The following NTRK3 variants were observed in gnomAD, a reference collection of about 807,000 sequenced individuals.
NTRK3 encodes the protein neurotrophic receptor tyrosine kinase 3, also known as NT-3 growth factor receptor.
A neutral mutation model predicts 91.7 loss-of-function variants in NTRK3; 24 were observed. The observed-to-expected ratio is 0.26, with a 90% CI of 0.19 to 0.37. The LOEUF is 0.37. Ranked by LOEUF, NTRK3 falls within the 10% of genes least tolerant of loss-of-function variation. The probability of loss-of-function intolerance (pLI) is 1.00; values close to 1 mark genes in which losing one functional copy is unlikely to be tolerated. For synonymous variants in NTRK3, 483 were observed against 404.0 expected, an observed-to-expected ratio of 1.20 and a Z score of -2.34; for missense variants, 880 against 1,068.9, an observed-to-expected ratio of 0.82 and a Z score of 2.46.
chr15:88,236,514 TAAAAAAAAAAAAAA>T (rs60187446), intron 3 of NTRK3, among the ~76,000 whole-genome samples: 11 of 53,772 alleles, frequency 2.0e-4, no homozygotes, highest in African/African-American at 6.4e-4. Flanking sequence ...CCTCTATTAT[TAAAAAAAAAAAAAA>T]AAAAAAAAAA....
intron 14 of NTRK3, among the ~76,000 whole-genome samples, chr15:88,022,672 G>C (rs1445895843): frequency 6.6e-6 from 1 of 152,146 alleles, no homozygotes; most frequent in Non-Finnish European, 1.5e-5. Flanking sequence ...TTTGGGTGCA[G>C]CTTCCCCTGG....
chr15:88,001,716 A>G (rs937801222), intron 14 of NTRK3, among the ~76,000 whole-genome samples: 1 of 152,182 alleles, frequency 6.6e-6, no homozygotes, highest in Non-Finnish European at 1.5e-5. Context: ...TCATGGCAGT[A>G]CCATATCGTC....
intron 17 of NTRK3, among the ~76,000 whole-genome samples, chr15:87,910,283 C>T (rs955952782): frequency 5.9e-5 from 9 of 152,182 alleles, no homozygotes; most frequent in Non-Finnish European, 1.2e-4. Flanking sequence ...TTGGACTGAC[C>T]AGGCATGGAC....
At chr15:88,016,837 C>A (rs372928163) in intron 14 of NTRK3, among the ~76,000 whole-genome samples, 3 of 150,986 alleles carry the variant, frequency 2.0e-5, no homozygotes, top group Non-Finnish European at 4.4e-5. Context: ...TTTGTTTTTA[C>A]TTCCTCCCTT....
chr15:87,893,051 C>T (rs142620814), intron 17 of NTRK3, among the ~76,000 whole-genome samples: 312 of 152,260 alleles, frequency 2.0e-3, no homozygotes, highest in African/African-American at 7.0e-3. Context: ...TTGATGGCAA[C>T]TTAAGATGTG....
intron 3 of NTRK3, among the ~76,000 whole-genome samples, chr15:88,202,921 G>A (rs553814795): frequency 6.6e-6 from 1 of 152,214 alleles, no homozygotes; most frequent in Non-Finnish European, 1.5e-5. Context: ...GCAGGGGCTG[G>A]ATGAGACACT....
At chr15:87,926,638 G>A (rs1178158256) in intron 17 of NTRK3, 1 of 152,146 alleles carries the variant, frequency 6.6e-6, no homozygotes, top group African/African-American at 2.4e-5. Context: ...AGTTATTAAG[G>A]CAAGGACAAA....
At chr15:88,113,383 T>C (rs2051660315) in intron 13 of NTRK3, among the ~76,000 whole-genome samples, 2 of 149,344 alleles carry the variant, frequency 1.3e-5, no homozygotes, top group South Asian at 4.3e-4. Context: ...TGGCGTGATC[T>C]TGGCTCACTG....
intron 14 of NTRK3, among the ~76,000 whole-genome samples, chr15:88,013,952 T>A (rs895829924): frequency 1.1e-4 from 16 of 152,044 alleles, no homozygotes; most frequent in African/African-American, 2.2e-4. Flanking sequence ...TCAATTTTTT[T>A]AAAAAAAGAC....
In NTRK3 at chr15:88,118,382, AG is replaced by A. The variant is rs1040821944; in HGVS notation, c.1396+7888del. On this transcript the variant is annotated intron_variant, in intron 13 of 18. Transcript: ENST00000394480. ...AAAGAATGTTCCATGAGAAGAGAGG[AG>A]GGGGTCTGTTGGAGCAGTTTCCACA... Among the ~76,000 whole-genome samples, 60 of 152,254 alleles carry A rather than the reference AG, an allele frequency of 3.9e-4. 1 individual carries two copies. Among genetic ancestry groups the A allele is most frequent in the Middle Eastern group, 3.4e-3 (1 of 294 alleles).
At chr15:87,868,242 T>C (rs1390685186) in exon 19 of NTRK3, 3 of 229,540 alleles carry the variant, frequency 1.3e-5, no homozygotes, top group African/African-American at 2.2e-5. Flanking sequence ...GTTTGCACTA[T>C]GAGCACGAGC....
intron 14 of NTRK3, among the ~76,000 whole-genome samples, chr15:87,942,669 C>T (rs1348480650): frequency 6.6e-6 from 1 of 152,120 alleles, no homozygotes; most frequent in Non-Finnish European, 1.5e-5. Context: ...GCTTCAAGAC[C>T]TGGATCCTCC....
At chr15:88,176,482 T>C (rs373932098) in intron 5 of NTRK3, among the ~76,000 whole-genome samples, 2 of 152,106 alleles carry the variant, frequency 1.3e-5, no homozygotes, top group East Asian at 1.9e-4. Context: ...CTACCATACA[T>C]AGAAGTGTGA....
At chr15:87,938,365 C>T (rs189802214) in intron 15 of NTRK3, among the ~76,000 whole-genome samples, 1 of 152,194 alleles carries the variant, frequency 6.6e-6, no homozygotes, top group East Asian at 1.9e-4. Flanking sequence ...AGAACTAACT[C>T]AAAAGGAAGG....
At chr15:87,904,479 C>T (rs1837991313) in intron 17 of NTRK3, among the ~76,000 whole-genome samples, 1 of 152,088 alleles carries the variant, frequency 6.6e-6, no homozygotes, top group Non-Finnish European at 1.5e-5. Flanking sequence ...TAATATGGGC[C>T]TTTGGGATCT....
At chr15:87,928,849 G>T (rs2068545973) in intron 17 of NTRK3, 1 of 480,646 alleles carries the variant, frequency 2.1e-6, no homozygotes, top group Non-Finnish European at 3.7e-6. Flanking sequence ...CAAGTTGGGT[G>T]TGTCTGTGTG....
chr15:88,184,544 G>T (rs2046795112), intron 3 of NTRK3, among the ~76,000 whole-genome samples: 1 of 152,200 alleles, frequency 6.6e-6, no homozygotes, highest in South Asian at 2.1e-4. Flanking sequence ...CCCATGGATT[G>T]CATTGAATGT....
At chr15:88,171,827 G>T (rs551693386) in intron 5 of NTRK3, among the ~76,000 whole-genome samples, 1 of 152,214 alleles carries the variant, frequency 6.6e-6, no homozygotes, top group African/African-American at 2.4e-5. Flanking sequence ...TCAGTCATTC[G>T]TTCAGTCAGC....
At chr15:87,887,338 A>G (rs1468025133) in intron 17 of NTRK3, among the ~76,000 whole-genome samples, 2 of 152,198 alleles carry the variant, frequency 1.3e-5, no homozygotes, top group South Asian at 2.1e-4. Flanking sequence ...AACAAAGAGC[A>G]TGATGTTGGA....
Sources: allele counts gnomAD v4.1 joint callset (sites outside exome capture counted in the v4.1 genomes callset), GRCh38; gene constraint gnomAD v4.1.1; transcripts MANE v1.5; gene names NCBI Gene and HGNC (gene_info 2026-07-23, HGNC 2026-07-21).